Variants in DACH1 observed in about 807,000 individuals in gnomAD.
DACH1 encodes dachshund homolog 1.
Under a neutral mutation model 54.2 loss-of-function variants are expected in DACH1, and 12 were observed. The ratio of observed to expected loss-of-function variants is 0.22; its 90% CI spans 0.14 to 0.36. The LOEUF (loss-of-function observed/expected upper bound fraction) is 0.36, where lower values mean the gene tolerates loss of function less well. Among genes scored for constraint, DACH1 ranks in the 10% least tolerant of loss-of-function variants. The pLI, the probability that DACH1 is intolerant of heterozygous loss-of-function variation, is 1.00. For missense variants in DACH1, 805 were observed against 929.8 expected (o/e 0.87, Z 1.75); for synonymous variants, 386 against 366.2 (o/e 1.05, Z -0.62).
intron 3 of DACH1, among the ~76,000 whole-genome samples, chr13:71,620,898 A>G (rs918216405): frequency 2.0e-5 from 3 of 151,982 alleles, no homozygotes; most frequent in Admixed American, 6.6e-5. Context: ...AGTTTTACTT[A>G]GAAAAGTGAA....
chr13:71,599,838 C>CAA (rs1465407819), intron 3 of DACH1, among the ~76,000 whole-genome samples: 1 of 151,084 alleles, frequency 6.6e-6, no homozygotes, highest in South Asian at 2.1e-4. Flanking sequence ...TACACACACA[C>CAA]ACACACACAC....
chr13:71,610,654 T>C lies in DACH1; in HGVS notation c.1126+19902A>G, dbSNP rs562535443. ...AATTTCACCAGAATTTTTCCATATA[T>C]ACATTTTCTACATTGATTAGAAATA... On this transcript the variant is annotated intron_variant, in intron 3 of 10. Coordinates refer to ENST00000613252, the MANE Select transcript of DACH1 (RefSeq NM_080759.6). Among the ~76,000 whole-genome samples the C allele has an allele frequency of 5.3e-5, 8 of 152,314 alleles. No homozygotes were observed. The South Asian group carries it at 1.2e-3, about 24-fold the overall frequency.
rs771349876 is a variant in DACH1 at position 71,866,077 on chromosome 13, G to A, written c.693C>T (p.Thr231=). ...HLVGGLHTVY[T]KLKRLEITPV... ...GCGTGATCTCCAGCCGCTTCAGCTTGGTGTAGACCGTATGCAAGCCCCCCA... is the reference window on the plus strand; with the variant it reads ...GCGTGATCTCCAGCCGCTTCAGCTTAGTGTAGACCGTATGCAAGCCCCCCA... The change falls in exon 1 of 11, where the codon ACC becomes ACT. Residue 231 remains threonine (T), a synonymous_variant. Transcript: ENST00000613252. 8 of 1,613,680 alleles carry A rather than the reference G, an allele frequency of 5.0e-6. No homozygotes were observed. Among genetic ancestry groups the A allele is most frequent in the Admixed American group, 1.7e-5 (1 of 59,972 alleles).
intron 1 of DACH1, among the ~76,000 whole-genome samples, chr13:71,742,658 A>C (rs1461138294): frequency 6.6e-6 from 1 of 152,182 alleles, no homozygotes; most frequent in Non-Finnish European, 1.5e-5. Flanking sequence ...TGTCTGCAGA[A>C]TTGCAGCCTC....
intron 1 of DACH1, among the ~76,000 whole-genome samples, chr13:71,738,032 T>C (rs1884215732): frequency 6.6e-6 from 1 of 152,172 alleles, no homozygotes; most frequent in South Asian, 2.1e-4. Flanking sequence ...ATACTAGTAG[T>C]TCCGAGGAGA....
At chr13:71,453,520 G>A (rs1447402243) in intron 10 of DACH1, among the ~76,000 whole-genome samples, 1 of 151,968 alleles carries the variant, frequency 6.6e-6, no homozygotes, top group Non-Finnish European at 1.5e-5. Flanking sequence ...AAAAACCAGA[G>A]GTGGCAATTA....
At chr13:71,789,685 T>C (rs1886755578) in intron 1 of DACH1, among the ~76,000 whole-genome samples, 1 of 152,112 alleles carries the variant, frequency 6.6e-6, no homozygotes, top group Non-Finnish European at 1.5e-5. Context: ...CTCTGACAGA[T>C]AGAAGTATAT....
intron 2 of DACH1, among the ~76,000 whole-genome samples, chr13:71,654,468 A>ATAAAGTAAAG (rs1566409170): frequency 1.9e-5 from 2 of 104,628 alleles, no homozygotes; most frequent in Non-Finnish European, 3.5e-5. Flanking sequence ...GTAAAATAAA[A>ATAAAGTAAAG]TAAAATAAAA....
At chr13:71,770,642 G>A (rs1157899048) in intron 1 of DACH1, among the ~76,000 whole-genome samples, 2 of 151,630 alleles carry the variant, frequency 1.3e-5, no homozygotes, top group South Asian at 2.1e-4. Flanking sequence ...GTACCAAAAT[G>A]TGCTTGGGTA....
chr13:71,726,731 G>T (rs192731815), intron 1 of DACH1, among the ~76,000 whole-genome samples: 121 of 151,940 alleles, frequency 8.0e-4, no homozygotes, highest in African/African-American at 2.8e-3. Flanking sequence ...TTTTGAAAAA[G>T]AAAACAATGG....
At chr13:71,647,692 A>G (rs891805035) in intron 2 of DACH1, among the ~76,000 whole-genome samples, 1 of 152,156 alleles carries the variant, frequency 6.6e-6, no homozygotes, top group Admixed American at 6.5e-5. Context: ...TGGAGAAACA[A>G]TGGGAATACC....
chr13:71,673,698 G>A (rs968533713), intron 2 of DACH1, among the ~76,000 whole-genome samples: 15 of 152,024 alleles, frequency 9.9e-5, no homozygotes, highest in Non-Finnish European at 5.9e-5. Flanking sequence ...ACCATGGCAC[G>A]TGTATACCTA....
chr13:71,843,330 A>G (rs373822998), intron 1 of DACH1, among the ~76,000 whole-genome samples: 1 of 152,120 alleles, frequency 6.6e-6, no homozygotes, highest in Non-Finnish European at 1.5e-5. Context: ...CAGTGTCACA[A>G]TCATGGCTCA....
chr13:71,667,974 T>C (rs2138669338), intron 2 of DACH1, among the ~76,000 whole-genome samples: 1 of 152,174 alleles, frequency 6.6e-6, no homozygotes, highest in South Asian at 2.1e-4. Context: ...TATAAGATAA[T>C]AGATAATACA....
At chr13:71,845,873 G>A (rs1873207363) in intron 1 of DACH1, 1 of 152,290 alleles carries the variant, frequency 6.6e-6, no homozygotes, top group African/African-American at 2.4e-5. Context: ...TGCTTGTTGT[G>A]TGATAAGAGT....
At chr13:71,588,678 C>T (rs973199769) in intron 3 of DACH1, among the ~76,000 whole-genome samples, 1 of 151,816 alleles carries the variant, frequency 6.6e-6, no homozygotes, top group African/African-American at 2.4e-5. Flanking sequence ...AAAAACAACA[C>T]AAAATAATGA....
chr13:71,569,953 CCAGA>C (rs993193226), intron 4 of DACH1, among the ~76,000 whole-genome samples: 4 of 152,088 alleles, frequency 2.6e-5, no homozygotes, highest in Non-Finnish European at 4.4e-5. Flanking sequence ...TAGAATCTTC[CCAGA>C]CAAACCAATG....
At chr13:71,760,361 G>T (rs1286101083) in intron 1 of DACH1, among the ~76,000 whole-genome samples, 1 of 152,126 alleles carries the variant, frequency 6.6e-6, no homozygotes, top group Non-Finnish European at 1.5e-5. Flanking sequence ...ATCTCCAGAA[G>T]AAAAAGCAAC....
intron 7 of DACH1, among the ~76,000 whole-genome samples, chr13:71,488,537 A>G (rs1878724142): frequency 6.6e-6 from 1 of 152,134 alleles, no homozygotes; most frequent in Non-Finnish European, 1.5e-5. Flanking sequence ...TTTATGAAAG[A>G]AGGCATTTTT....
Sources: gnomAD v4.1 joint callset for allele counts (sites outside exome capture counted in the v4.1 genomes callset) on GRCh38, gnomAD v4.1.1 for gene constraint, MANE v1.5 for transcripts, NCBI Gene and HGNC (gene_info 2026-07-23, HGNC 2026-07-21) for gene names.